Variants in DPP10 observed in about 807,000 individuals in gnomAD.
DPP10 encodes inactive dipeptidyl peptidase 10.
A neutral mutation model predicts 120.9 loss-of-function variants in DPP10; 33 were observed. The ratio of observed to expected loss-of-function variants is 0.27; its 90% CI spans 0.21 to 0.37. The LOEUF (loss-of-function observed/expected upper bound fraction) is 0.37, where lower values mean the gene tolerates loss of function less well. Among genes scored for constraint, DPP10 ranks in the 10% least tolerant of loss-of-function variants. The pLI is 1.00. For synonymous variants in DPP10, 337 were observed against 326.1 expected (o/e 1.03, Z -0.36); for missense variants, 816 against 942.8 (o/e 0.87, Z 1.76).
intron 19 of DPP10, among the ~76,000 whole-genome samples, chr2:115,805,242 A>G (rs867984838): frequency 5.3e-5 from 8 of 152,136 alleles, no homozygotes; most frequent in African/African-American, 9.7e-5. Context: ...GGTGTGGGGT[A>G]TAATCTCCTG....
chr2:115,193,280 T>C (rs749332927), intron 1 of DPP10, among the ~76,000 whole-genome samples: 2 of 152,214 alleles, frequency 1.3e-5, no homozygotes, highest in African/African-American at 2.4e-5. Flanking sequence ...GAATTTACCA[T>C]GTAAGATTCT....
intron 1 of DPP10, among the ~76,000 whole-genome samples, chr2:115,253,240 G>A (rs1227541091): frequency 1.3e-5 from 2 of 152,136 alleles, no homozygotes; most frequent in Admixed American, 1.3e-4. Context: ...CCATGAGGGA[G>A]CCTTCCCTAT....
At chr2:114,877,619 A>AT (rs1691262793) in intron 1 of DPP10, among the ~76,000 whole-genome samples, 1 of 152,092 alleles carries the variant, frequency 6.6e-6, no homozygotes, top group Non-Finnish European at 1.5e-5. Context: ...TCTCTATGGC[A>AT]TACAGGCATG....
At chr2:115,215,554 A>T (rs2056769294) in intron 1 of DPP10, among the ~76,000 whole-genome samples, 2 of 152,286 alleles carry the variant, frequency 1.3e-5, no homozygotes, top group African/African-American at 4.8e-5. Flanking sequence ...CATATACATC[A>T]TTGGTGGGAA....
chr2:115,312,363 G>A (rs568745629), intron 2 of DPP10, among the ~76,000 whole-genome samples: 7 of 152,062 alleles, frequency 4.6e-5, no homozygotes, highest in African/African-American at 7.2e-5. Context: ...CAGTGTAGTC[G>A]CATGGCCTTT....
chr2:115,286,526 A>ATATATATATAT (rs10675008), intron 1 of DPP10, among the ~76,000 whole-genome samples: 4,112 of 60,556 alleles, frequency 0.068, 508 homozygotes, highest in Non-Finnish European at 0.087. Context: ...ATATATATAT[A>ATATATATATAT]ATATATATAT....
At chr2:115,535,703 C>G (rs2078782456) in intron 5 of DPP10, among the ~76,000 whole-genome samples, 2 of 150,904 alleles carry the variant, frequency 1.3e-5, no homozygotes, top group South Asian at 4.2e-4. Context: ...TTACCTTGGG[C>G]AGTATGGCCA....
chr2:114,733,531 A>C (rs149619902), intron 1 of DPP10, among the ~76,000 whole-genome samples: 4 of 152,272 alleles, frequency 2.6e-5, no homozygotes, highest in African/African-American at 9.6e-5. Context: ...TTCCAGAAGT[A>C]GTTTTTCAGC....
rs544967481 is a variant in DPP10, at chr2:115,845,753, G to A, written c.*3408G>A. 6.6e-6 allele frequency: 1 copy of A among 152,158 alleles called. No individual in the cohort carries two copies. The highest frequency in any genetic ancestry group is 1.5e-5 in the Non-Finnish European group (1 of 68,022). The allele number at this position is 152,158 out of a possible 1,614,324, so 9.4% of individuals were successfully genotyped here. A position where few individuals can be genotyped will look rare whatever the true frequency, so the allele number is the denominator to read the frequency against. On this transcript the variant is annotated 3_prime_UTR_variant, in exon 26 of 26. Transcript: ENST00000410059. ...AGAATAAATCAGTGGTTTATTTTCA[G>A]GTTCGAATAAACTCTTTCTAATGAA...
chr2:114,492,292 T>C (rs1299649243), intron 1 of DPP10, among the ~76,000 whole-genome samples: 9 of 152,186 alleles, frequency 5.9e-5, no homozygotes, highest in Admixed American at 5.9e-4. Flanking sequence ...AAGCTAATTT[T>C]TTTATTTTAA....
At chr2:114,713,223 G>A (rs922481719) in intron 1 of DPP10, among the ~76,000 whole-genome samples, 1 of 152,066 alleles carries the variant, frequency 6.6e-6, no homozygotes, top group African/African-American at 2.4e-5. Context: ...TCTGACCTCA[G>A]GTTATCCAAC....
At chr2:115,252,872 G>C (rs1378790574) in intron 1 of DPP10, among the ~76,000 whole-genome samples, 1 of 152,140 alleles carries the variant, frequency 6.6e-6, no homozygotes, top group South Asian at 2.1e-4. Flanking sequence ...TTTGCCAAAG[G>C]CAAAGTTGTT....
Position 114,811,062 on chromosome 2 carries a change from G to A in DPP10, c.60+368224G>A, listed in dbSNP as rs545734096. 8.5e-5 allele frequency among the ~76,000 whole-genome samples: 13 copies of A among 152,164 alleles called. No individual in the cohort carries two copies. The South Asian group carries it at 1.5e-3, about 17-fold the overall frequency. ...TTTTTTCCCAGAGATTTCTTCTAAG[G>A]CAGAACCAGCAGGGAAGAAAACAAT... On this transcript the variant is annotated intron_variant, in intron 1 of 25. Coordinates refer to ENST00000410059, the MANE Select transcript of DPP10 (RefSeq NM_020868.6).
intron 1 of DPP10, among the ~76,000 whole-genome samples, chr2:115,104,811 T>C (rs2048868711): frequency 6.6e-6 from 1 of 152,068 alleles, no homozygotes; most frequent in Admixed American, 6.6e-5. Flanking sequence ...ATTGAGACCA[T>C]CCTGGCCAAC....
At chr2:115,326,684 C>G (rs1397551788) in intron 2 of DPP10, among the ~76,000 whole-genome samples, 1 of 151,478 alleles carries the variant, frequency 6.6e-6, no homozygotes, top group Non-Finnish European at 1.5e-5. Flanking sequence ...TAGGCCTAGG[C>G]TAATATGTGT....
At chr2:114,560,083 GT>G (rs1425555106) in intron 1 of DPP10, among the ~76,000 whole-genome samples, 1 of 152,060 alleles carries the variant, frequency 6.6e-6, no homozygotes, top group African/African-American at 2.4e-5. Flanking sequence ...TATCATCATG[GT>G]TTTTACTTTA....
At chr2:115,644,444 A>G (rs1575424366) in intron 5 of DPP10, among the ~76,000 whole-genome samples, 1 of 152,180 alleles carries the variant, frequency 6.6e-6, no homozygotes, top group East Asian at 1.9e-4. Flanking sequence ...TAGTTTGCTG[A>G]GAATGATGGT....
intron 1 of DPP10, among the ~76,000 whole-genome samples, chr2:115,048,497 A>G (rs950859954): frequency 1.3e-5 from 2 of 152,094 alleles, no homozygotes; most frequent in African/African-American, 4.8e-5. Flanking sequence ...TAAAATGTAG[A>G]CATAAGCTAA....
intron 1 of DPP10, among the ~76,000 whole-genome samples, chr2:114,559,717 G>A (rs192456018): frequency 8.0e-4 from 122 of 152,124 alleles, no homozygotes; most frequent in Non-Finnish European, 1.5e-3. Flanking sequence ...TGTGGATCAT[G>A]AGTAGGTAGA....
Sources: gnomAD v4.1 joint callset for allele counts (sites outside exome capture counted in the v4.1 genomes callset) on GRCh38, gnomAD v4.1.1 for gene constraint, MANE v1.5 for transcripts, NCBI Gene and HGNC (gene_info 2026-07-23, HGNC 2026-07-21) for gene names.